Variants in PCDHGB5 observed in about 807,000 individuals in gnomAD.
PCDHGB5 encodes the protein protocadherin gamma subfamily B, 5.
A neutral mutation model predicts 62.9 loss-of-function variants in PCDHGB5; 48 were observed. That is an observed-to-expected ratio of 0.76 (90% CI 0.61 to 0.97). The LOEUF is 0.97. Ranked by LOEUF, PCDHGB5 falls within the 50% of genes least tolerant of loss-of-function variation. PCDHGB5 has a pLI of 0.00. For missense variants in PCDHGB5, 1,118 were observed against 1,198.6 expected, an observed-to-expected ratio of 0.93 and a Z score of 0.99; for synonymous variants, 474 against 511.2, an observed-to-expected ratio of 0.93 and a Z score of 0.98.
intron 1 of PCDHGB5, chr5:141,417,540 A>G (rs1301087527): frequency 2.0e-5 from 6 of 301,520 alleles, no homozygotes; most frequent in Non-Finnish European, 3.6e-5. Context: ...TTTAAAAAAA[A>G]TTCCTTGAAA....
chr5:141,494,843 G>T lies in PCDHGB5; in HGVS notation c.2434G>T (p.Ala812Ser). The T allele has an allele frequency of 6.2e-7, 1 of 1,614,088 alleles. No individual in the cohort carries two copies. The highest frequency in any genetic ancestry group is 8.5e-7 in the Non-Finnish European group (1 of 1,180,006). ...PPNTDWRFSQ[A>S]QRPGTSGSQN... Reference sequence around the variant, plus strand: ...CAACACGGACTGGCGTTTCTCTCAGGCCCAGAGACCCGGCACCAGCGGGTA... The same window carrying T: ...CAACACGGACTGGCGTTTCTCTCAGTCCCAGAGACCCGGCACCAGCGGGTA... Residue 812 changes from alanine (A) to serine (S), a missense_variant, in exon 2 of 4, where the codon GCC becomes TCC. This residue lies in a region of PCDHGB5 where 1,034 missense variants were observed against 1,029.1 expected (regional missense o/e 1.00). Transcript: ENST00000617380.
chr5:141,450,908 G>A (rs1248622378), intron 1 of PCDHGB5, among the ~76,000 whole-genome samples: 12 of 147,640 alleles, frequency 8.1e-5, no homozygotes, highest in East Asian at 6.0e-4. Flanking sequence ...CACTGCAACC[G>A]CTGCCTCCCA....
intron 1 of PCDHGB5, among the ~76,000 whole-genome samples, chr5:141,406,188 T>C (rs1313997032): frequency 6.6e-6 from 1 of 151,612 alleles, no homozygotes; most frequent in African/African-American, 2.4e-5. Flanking sequence ...TCCTCCCACC[T>C]CAGCCTTCAC....
intron 1 of PCDHGB5, chr5:141,410,800 T>A: frequency 1.5e-6 from 1 of 678,550 alleles, no homozygotes; most frequent in Non-Finnish European, 2.2e-6. Context: ...TAAGTTGCTC[T>A]ATCTTTTTGT....
chr5:141,510,015 A>G (rs2099879210), intron 3 of PCDHGB5, among the ~76,000 whole-genome samples: 1 of 152,210 alleles, frequency 6.6e-6, no homozygotes, highest in Non-Finnish European at 1.5e-5. Flanking sequence ...GTCATACCAC[A>G]TAGCTGGCTG....
chr5:141,505,883 T>C (rs1225759976), intron 3 of PCDHGB5, among the ~76,000 whole-genome samples: 1 of 152,118 alleles, frequency 6.6e-6, no homozygotes, highest in East Asian at 1.9e-4. Flanking sequence ...GTTGTAGAGA[T>C]TAAATGAGAT....
intron 1 of PCDHGB5, 97 bp from the exon 2 acceptor site, chr5:141,494,710 C>G: frequency 6.2e-7 from 1 of 1,600,966 alleles, no homozygotes; most frequent in Admixed American, 1.7e-5. Context: ...TCTCTGTGCC[C>G]ACTCCCCTCC....
In PCDHGB5 at chr5:141,485,126, G is replaced by C; in HGVS notation, c.2398-9681G>C. ...TGCTGTGGCTGTTTGGGGCGGGTCG[G>C]CTTCATCCGCGTCTCAGGAGCAAGT... On this transcript the variant is annotated intron_variant, in intron 1 of 3. Transcript: ENST00000617380. The surrounding 1 kb of genome is among the most constrained non-coding windows in gnomAD (Gnocchi z 5.7). 1.4e-6 allele frequency: 2 copies of C among 1,432,378 alleles called. No homozygotes were observed. The highest frequency in any genetic ancestry group is 2.4e-5 in the South Asian group (2 of 81,724). 88.7% of individuals were successfully genotyped at this position (1,432,378 alleles called of 1,614,324 possible). A position where few individuals can be genotyped will look rare whatever the true frequency, so the allele number is the denominator to read the frequency against.
chr5:141,423,456 C>T, intron 1 of PCDHGB5: 1 of 1,613,924 alleles, frequency 6.2e-7, no homozygotes, highest in Non-Finnish European at 8.5e-7. Context: ...ATTTTGTAGG[C>T]GTGGACGGGG....
chr5:141,399,720 C>A lies in PCDHGB5; in HGVS notation c.1593C>A (p.Arg531=). Residue 531 remains arginine, a synonymous_variant, in exon 1 of 4, where the codon CGC becomes CGA. Transcript: ENST00000617380. Reference sequence around the variant, plus strand: ...CCTTCGAACTCACACTACAGGCCCGCGACCAGGGCTCGCCTGCGCTCAGCG... The same window carrying A: ...CCTTCGAACTCACACTACAGGCCCGAGACCAGGGCTCGCCTGCGCTCAGCG... The part of the protein sequence containing the change: ...LRTFELTLQA[R]DQGSPALSAN... 1 of 1,613,306 alleles carries A rather than the reference C, an allele frequency of 6.2e-7. No individual in the cohort carries two copies. Among genetic ancestry groups the A allele is most frequent in the Non-Finnish European group, 8.5e-7 (1 of 1,179,872 alleles).
chr5:141,409,756 C>G, intron 1 of PCDHGB5: 1 of 1,612,994 alleles, frequency 6.2e-7, no homozygotes, highest in Non-Finnish European at 8.5e-7. Context: ...TCGCGCAGCG[C>G]GCCTTTGATC....
At chr5:141,470,202 A>G (rs928782890) in intron 1 of PCDHGB5, among the ~76,000 whole-genome samples, 9 of 152,216 alleles carry the variant, frequency 5.9e-5, no homozygotes, top group Non-Finnish European at 1.2e-4. Flanking sequence ...GATAAATATG[A>G]AGGCTAAACC....
intron 1 of PCDHGB5, chr5:141,408,220 G>T: frequency 6.4e-7 from 1 of 1,558,994 alleles, no homozygotes; most frequent in Admixed American, 1.9e-5. Flanking sequence ...GGAGCTGCGC[G>T]CAGAGGCGCC....
At chr5:141,473,988 G>T (rs1006988447) in intron 1 of PCDHGB5, among the ~76,000 whole-genome samples, 2 of 152,118 alleles carry the variant, frequency 1.3e-5, no homozygotes, top group Middle Eastern at 3.2e-3. Context: ...AGGATCCCTT[G>T]AGCCCAAGGA....
Position 141,399,362 on chromosome 5 carries a change from C to G in PCDHGB5, c.1235C>G (p.Pro412Arg), listed in dbSNP as rs182743080. 6.2e-7 allele frequency: 1 copy of G among 1,613,872 alleles called. No individual in the cohort carries two copies. The highest frequency in any genetic ancestry group is 8.5e-7 in the Non-Finnish European group (1 of 1,179,914). Residue 412 changes from proline (P) to arginine (R), a missense_variant, in exon 1 of 4, where the codon CCG becomes CGG. Physicochemically the swap from Pro to Arg is moderately radical, Grantham distance 103 (BLOSUM62 -2). Around this residue, in one of 2 missense-constraint regions of PCDHGB5, gnomAD observed 1,034 missense variants for 1,029.1 expected, o/e 1.00. Coordinates refer to ENST00000617380, the MANE Select transcript of PCDHGB5 (RefSeq NM_018925.3). ...TDGTLDREQT[P>R]EYNVTITATD... ...GGAACCCTAGACCGAGAGCAAACCC[C>G]GGAGTACAATGTCACCATCACAGCC...
At position 141,434,489 on chromosome 5, in the gene PCDHGB5, C is replaced by G. The variant is rs921000136; in HGVS notation, c.2397+33965C>G. On this transcript the variant is annotated intron_variant, in intron 1 of 3. Coordinates refer to ENST00000617380, the MANE Select transcript of PCDHGB5 (RefSeq NM_018925.3). ...GAATGAGGGCAAGGAACACCTGGCC[C>G]GCCCAGGGCAGAAAACTGCTTAAAG... Among the ~76,000 whole-genome samples, 8 of 152,158 alleles carry G rather than the reference C, an allele frequency of 5.3e-5. 1 individual carries two copies. The highest frequency in any genetic ancestry group is 2.6e-4 in the Admixed American group (4 of 15,284).
intron 1 of PCDHGB5, among the ~76,000 whole-genome samples, chr5:141,406,071 C>T (rs2094755708): frequency 7.4e-6 from 1 of 134,244 alleles, no homozygotes; most frequent in East Asian, 2.1e-4. Context: ...AATTCTTACT[C>T]CTTTTTTTTT....
intron 1 of PCDHGB5, chr5:141,414,008 A>G (rs753686379): frequency 4.3e-6 from 7 of 1,613,188 alleles, no homozygotes; most frequent in Middle Eastern, 1.6e-4. Context: ...GAAGGTGCCA[A>G]TGGAGAAGTG....
chr5:141,402,854 C>A, intron 1 of PCDHGB5: 2 of 1,423,530 alleles, frequency 1.4e-6, no homozygotes, highest in Non-Finnish European at 1.8e-6. Flanking sequence ...CCTCTTTCTT[C>A]TAAGGAAAAG....
Sources: gnomAD v4.1 joint callset for allele counts (sites outside exome capture counted in the v4.1 genomes callset) on GRCh38, gnomAD v4.1.1 for gene constraint, gnomAD v4.1.1 regional missense constraint, Gnocchi (gnomAD v3.1) non-coding constraint, MANE v1.5 for transcripts, NCBI Gene and HGNC (gene_info 2026-07-23, HGNC 2026-07-21) for gene names.